PEBP4: variants seen among roughly 807,000 people sequenced by gnomAD.
PEBP4 encodes the protein phosphatidylethanolamine binding protein 4.
In PEBP4, 22 loss-of-function variants were observed where a neutral mutation model predicts 23.9. The ratio of observed to expected loss-of-function variants is 0.92; its 90% CI spans 0.66 to 1.31. The LOEUF (loss-of-function observed/expected upper bound fraction) is 1.31. Among genes scored for constraint, PEBP4 ranks in the 40% most tolerant of loss-of-function variants. The probability of loss-of-function intolerance (pLI) is 0.00; values close to 1 mark genes in which losing one functional copy is unlikely to be tolerated. For missense variants in PEBP4, 324 were observed against 281.7 expected, an observed-to-expected ratio of 1.15 and a Z score of -1.07; for synonymous variants, 112 against 99.3, an observed-to-expected ratio of 1.13 and a Z score of -0.76.
intron 4 of PEBP4, among the ~76,000 whole-genome samples, chr8:22,744,392 G>A (rs948067241): frequency 5.9e-5 from 9 of 152,190 alleles, no homozygotes; most frequent in Non-Finnish European, 1.3e-4. Context: ...GGAGCCACAG[G>A]CCACCATGAC....
intron 4 of PEBP4, among the ~76,000 whole-genome samples, chr8:22,735,732 A>C (rs1804846878): frequency 6.6e-6 from 1 of 152,212 alleles, no homozygotes; most frequent in African/African-American, 2.4e-5. Flanking sequence ...GGTGGGCCCC[A>C]GCTGGGGGAC....
intron 6 of PEBP4, among the ~76,000 whole-genome samples, chr8:22,720,156 G>C (rs1804491116): frequency 6.6e-6 from 1 of 152,232 alleles, no homozygotes; most frequent in South Asian, 2.1e-4. Flanking sequence ...TGGTGGAAGG[G>C]GGGCCGCCAC....
In PEBP4 at chr8:22,855,131, T is replaced by C. The variant is rs376346700; in HGVS notation, c.259-37396A>G. On this transcript the variant is annotated intron_variant, in intron 3 of 6. Transcript: ENST00000256404. ...AACAGCATACCAGTCTTACAGTCAG[T>C]GTTCCCATGGCTGACACAGAAGAAT... Among the ~76,000 whole-genome samples, 14 of 152,184 alleles carry C rather than the reference T, an allele frequency of 9.2e-5. No homozygotes were observed. The South Asian group carries it at 2.9e-3, about 32-fold the overall frequency.
At chr8:22,847,088 T>A (rs986263492) in intron 3 of PEBP4, among the ~76,000 whole-genome samples, 1 of 152,196 alleles carries the variant, frequency 6.6e-6, no homozygotes, top group Admixed American at 6.5e-5. Context: ...GATGTGCATG[T>A]CCAATCCACA....
At chr8:22,821,573 AG>A (rs1483960289) in intron 3 of PEBP4, among the ~76,000 whole-genome samples, 2 of 152,200 alleles carry the variant, frequency 1.3e-5, no homozygotes, top group African/African-American at 2.4e-5. Context: ...CGCTCTCTCA[AG>A]ACTTGGCAAA....
At chr8:22,715,592 C>T (rs780004601) in intron 6 of PEBP4, among the ~76,000 whole-genome samples, 11 of 152,198 alleles carry the variant, frequency 7.2e-5, no homozygotes, top group Non-Finnish European at 1.0e-4. Context: ...GGAAGAAATC[C>T]CCTGAGTCCA....
intron 3 of PEBP4, among the ~76,000 whole-genome samples, chr8:22,857,864 G>A (rs182019693): frequency 6.6e-4 from 100 of 152,314 alleles, no homozygotes; most frequent in Non-Finnish European, 2.5e-4. Context: ...GGGATGGGGA[G>A]CAAGAGGAGA....
chr8:22,768,928 C>A (rs1354775122), intron 4 of PEBP4, among the ~76,000 whole-genome samples: 1 of 152,164 alleles, frequency 6.6e-6, no homozygotes, highest in Non-Finnish European at 1.5e-5. Context: ...GGGGCTCTGC[C>A]ACATGTCAGG....
Position 22,724,927 on chromosome 8 carries a change from T to C in PEBP4, c.433A>G (p.Ser145Gly). The C allele has an allele frequency of 6.2e-7, 1 of 1,614,092 alleles. No individual in the cohort carries two copies. The highest frequency in any genetic ancestry group is 8.5e-7 in the Non-Finnish European group (1 of 1,179,992). The stretch of plus-strand genomic sequence containing the variant: ...AAGAACTGGTAGCGATGGAAGCCAC[T>C]GTGTGCCGGTGGGGAGGGAGCCTGG... Reference protein sequence around the residue: ...AYQAPSPPAHSGFHRYQFFVY... With the variant: ...AYQAPSPPAHGGFHRYQFFVY... Residue 145 changes from serine to glycine, a missense_variant, in exon 6 of 7, where the codon AGT (serine) becomes GGT (glycine). Physicochemically the swap from Ser to Gly is moderately conservative, Grantham distance 56. Transcript: ENST00000256404.
At chr8:22,915,537 A>T (rs1345822618) in intron 3 of PEBP4, among the ~76,000 whole-genome samples, 1 of 152,132 alleles carries the variant, frequency 6.6e-6, no homozygotes, top group Non-Finnish European at 1.5e-5. Context: ...AAGCTCCGTG[A>T]TAGTGTCTTT....
intron 6 of PEBP4, among the ~76,000 whole-genome samples, chr8:22,722,646 A>G (rs1370895950): frequency 6.6e-6 from 1 of 152,214 alleles, no homozygotes; most frequent in Non-Finnish European, 1.5e-5. Context: ...CCACTTGGGG[A>G]CAGGGAAAAT....
chr8:22,876,826 T>G (rs1808131918), intron 3 of PEBP4, among the ~76,000 whole-genome samples: 1 of 152,226 alleles, frequency 6.6e-6, no homozygotes, highest in Non-Finnish European at 1.5e-5. Flanking sequence ...CCAGAAAATG[T>G]AAACACATTT....
intron 4 of PEBP4, among the ~76,000 whole-genome samples, chr8:22,791,290 A>G (rs1251221598): frequency 6.6e-6 from 1 of 152,138 alleles, no homozygotes; most frequent in Non-Finnish European, 1.5e-5. Flanking sequence ...CCGGTCCTGC[A>G]GTCTTCTTTC....
chr8:22,905,173 T>A (rs1358442629), intron 3 of PEBP4, among the ~76,000 whole-genome samples: 1 of 152,204 alleles, frequency 6.6e-6, no homozygotes, highest in East Asian at 1.9e-4. Context: ...AATAAAGTTA[T>A]ATACTATTTT....
rs201660906 is a variant in PEBP4 at position 22,835,666 on chromosome 8, T to TC, written c.259-17932dup. On this transcript the variant is annotated intron_variant, in intron 3 of 6. Transcript: ENST00000256404. Reference sequence around the variant, plus strand: ...TCTTCCACAGCCTCCCAGCAATGGGTCCCCCACTATCCTGGGAATGCAGTT... The same window carrying TC: ...TCTTCCACAGCCTCCCAGCAATGGGTCCCCCCACTATCCTGGGAATGCAGTT... Among the ~76,000 whole-genome samples, 997 of 152,228 alleles carry TC rather than the reference T, an allele frequency of 6.5e-3. 30 individuals are homozygous for TC. Among genetic ancestry groups the TC allele is most frequent in the Admixed American group, 0.049 (750 of 15,294 alleles).
At chr8:22,837,938 G>A (rs1338605229) in intron 3 of PEBP4, among the ~76,000 whole-genome samples, 1 of 103,534 alleles carries the variant, frequency 9.7e-6, no homozygotes, top group East Asian at 3.1e-4. Context: ...TTGCTCTGTT[G>A]CCCAAGCTGG....
chr8:22,787,495 C>T (rs1222949921), intron 4 of PEBP4, among the ~76,000 whole-genome samples: 1 of 152,170 alleles, frequency 6.6e-6, no homozygotes, highest in Non-Finnish European at 1.5e-5. Context: ...CCCATGGCAC[C>T]CATACCCTCT....
At chr8:22,894,945 T>A (rs1484909284) in intron 3 of PEBP4, among the ~76,000 whole-genome samples, 1 of 152,168 alleles carries the variant, frequency 6.6e-6, no homozygotes, top group East Asian at 1.9e-4. Context: ...AGGTCGACAC[T>A]TACCACCCCT....
chr8:22,801,906 A>C (rs1258214032), intron 4 of PEBP4, among the ~76,000 whole-genome samples: 2 of 151,960 alleles, frequency 1.3e-5, no homozygotes, highest in African/African-American at 2.4e-5. Flanking sequence ...TTCTATGGTG[A>C]CTCCTGCCAC....
Sources: gnomAD v4.1 joint callset for allele counts (sites outside exome capture counted in the v4.1 genomes callset) on GRCh38, gnomAD v4.1.1 for gene constraint, MANE v1.5 for transcripts, NCBI Gene and HGNC (gene_info 2026-07-23, HGNC 2026-07-21) for gene names.